Variants in MYO3B observed in about 807,000 individuals in gnomAD.
MYO3B encodes the protein myosin-IIIb.
MYO3B carries 156 observed loss-of-function variants against 174.6 expected under a neutral mutation model. The ratio of observed to expected loss-of-function variants is 0.89; its 90% CI spans 0.78 to 1.02. The LOEUF is 1.02. Among genes scored for constraint, MYO3B ranks in the 50% least tolerant of loss-of-function variants. The probability of loss-of-function intolerance (pLI) is 0.00; values close to 1 mark genes in which losing one functional copy is unlikely to be tolerated. For synonymous variants in MYO3B, 563 were observed against 569.1 expected (o/e 0.99, Z 0.15); for missense variants, 1,632 against 1,639.4 (o/e 1.00, Z 0.08).
chr2:170,646,227 C>T (rs756778376), intron 32 of MYO3B, among the ~76,000 whole-genome samples: 1 of 150,432 alleles, frequency 6.6e-6, no homozygotes, highest in Non-Finnish European at 1.5e-5. Flanking sequence ...GCCGAGATCA[C>T]GCCATCGCAC....
At chr2:170,306,135 G>T (rs2093699279) in intron 7 of MYO3B, among the ~76,000 whole-genome samples, 1 of 152,180 alleles carries the variant, frequency 6.6e-6, no homozygotes, top group Non-Finnish European at 1.5e-5. Context: ...CGCTTCCTAT[G>T]CTTGTGGTCT....
intron 7 of MYO3B, among the ~76,000 whole-genome samples, chr2:170,237,468 A>G (rs929989928): frequency 3.3e-5 from 5 of 150,872 alleles, no homozygotes; most frequent in African/African-American, 1.2e-4. Context: ...ATTTGTATAC[A>G]GACCAGGTGT....
intron 25 of MYO3B, among the ~76,000 whole-genome samples, chr2:170,476,680 T>G (rs910276658): frequency 2.0e-5 from 3 of 151,950 alleles, no homozygotes; most frequent in African/African-American, 7.3e-5. Flanking sequence ...AGCCTGGGGT[T>G]CGTGGTTTGT....
At chr2:170,433,046 T>C (rs1256995620) in intron 22 of MYO3B, among the ~76,000 whole-genome samples, 1 of 152,156 alleles carries the variant, frequency 6.6e-6, no homozygotes, top group African/African-American at 2.4e-5. Flanking sequence ...CAGAGCAACT[T>C]CTAGTCCCTG....
At chr2:170,511,592 G>T (rs1687994406) in intron 28 of MYO3B, among the ~76,000 whole-genome samples, 1 of 152,150 alleles carries the variant, frequency 6.6e-6, no homozygotes, top group African/African-American at 2.4e-5. Flanking sequence ...ACCCTGAGAA[G>T]TAGGCTAGGA....
intron 32 of MYO3B, among the ~76,000 whole-genome samples, chr2:170,626,981 T>G (rs981996718): frequency 2.0e-5 from 3 of 152,098 alleles, no homozygotes; most frequent in Non-Finnish European, 2.9e-5. Context: ...GCCCTTAACA[T>G]TTTTTCCTTC....
intron 8 of MYO3B, among the ~76,000 whole-genome samples, chr2:170,354,347 T>C (rs1487924926): frequency 6.6e-6 from 1 of 152,194 alleles, no homozygotes; most frequent in East Asian, 1.9e-4. Flanking sequence ...GGGTAAGTGG[T>C]CCTAAAAGAT....
chr2:170,547,041 AC>A (rs1690540691), intron 32 of MYO3B, among the ~76,000 whole-genome samples: 1 of 152,012 alleles, frequency 6.6e-6, no homozygotes, highest in Non-Finnish European at 1.5e-5. Flanking sequence ...TGTCCCTGGC[AC>A]GGCGTGGTGG....
intron 7 of MYO3B, among the ~76,000 whole-genome samples, chr2:170,317,826 C>T (rs962478006): frequency 1.2e-4 from 18 of 152,118 alleles, no homozygotes; most frequent in Non-Finnish European, 1.5e-4. Context: ...ACAAAGGTAA[C>T]CAGATGCTTT....
At chr2:170,369,179 T>C in intron 8 of MYO3B, 43 bp from the exon 9 acceptor site, 2 of 1,591,764 alleles carry the variant, frequency 1.3e-6, no homozygotes, top group Non-Finnish European at 1.7e-6. Flanking sequence ...GAACAGGGTG[T>C]CTAAGATTGT....
intron 30 of MYO3B, among the ~76,000 whole-genome samples, chr2:170,526,598 C>T (rs1430889720): frequency 1.3e-5 from 2 of 152,148 alleles, no homozygotes; most frequent in Non-Finnish European, 2.9e-5. Context: ...CCAACATTGC[C>T]AGCATGACAT....
chr2:170,407,943 A>G (rs910730527), intron 22 of MYO3B, 99 bp downstream of exon 22: 16 of 1,394,328 alleles, frequency 1.1e-5, no homozygotes, highest in South Asian at 6.2e-5. Flanking sequence ...CTGCACCGCT[A>G]ACATTGAACT....
At chr2:170,432,373 A>G (rs1049983494) in intron 22 of MYO3B, among the ~76,000 whole-genome samples, 1 of 152,040 alleles carries the variant, frequency 6.6e-6, no homozygotes, top group African/African-American at 2.4e-5. Context: ...TTTTTAATTA[A>G]AAAATTAAAA....
chr2:170,632,138 A>G (rs1367712034), intron 32 of MYO3B, among the ~76,000 whole-genome samples: 2 of 152,210 alleles, frequency 1.3e-5, no homozygotes, highest in Non-Finnish European at 2.9e-5. Flanking sequence ...CAGACCTAAT[A>G]GACATCTACA....
chr2:170,448,012 G>A (rs1302321945), intron 23 of MYO3B, among the ~76,000 whole-genome samples: 1 of 152,256 alleles, frequency 6.6e-6, no homozygotes, highest in East Asian at 1.9e-4. Context: ...TTGATCTTAG[G>A]TCTTACAATA....
chr2:170,229,724 A>G (rs1051873086), intron 6 of MYO3B, among the ~76,000 whole-genome samples: 1 of 152,238 alleles, frequency 6.6e-6, no homozygotes, highest in African/African-American at 2.4e-5. Flanking sequence ...TGAATCTAGA[A>G]GCTCATATAT....
intron 22 of MYO3B, among the ~76,000 whole-genome samples, chr2:170,430,560 T>G (rs1440902627): frequency 6.6e-6 from 1 of 151,932 alleles, no homozygotes; most frequent in African/African-American, 2.4e-5. Context: ...TTAGTACAGA[T>G]GGGGTTTTAC....
At chr2:170,526,335 T>C (rs1230974663) in intron 30 of MYO3B, among the ~76,000 whole-genome samples, 1 of 152,198 alleles carries the variant, frequency 6.6e-6, no homozygotes, top group Non-Finnish European at 1.5e-5. Context: ...GTGATAGAAG[T>C]AGCAGCAATA....
intron 32 of MYO3B, among the ~76,000 whole-genome samples, chr2:170,636,116 A>G (rs943530725): frequency 6.9e-4 from 105 of 152,304 alleles, no homozygotes; most frequent in Non-Finnish European, 1.0e-4. Flanking sequence ...TTTAGATCTG[A>G]CATATTCCAG....
Sources: gnomAD v4.1 joint callset for allele counts (sites outside exome capture counted in the v4.1 genomes callset) on GRCh38, gnomAD v4.1.1 for gene constraint, MANE v1.5 for transcripts, NCBI Gene and HGNC (gene_info 2026-07-23, HGNC 2026-07-21) for gene names.